OSBPL6: variants seen among roughly 807,000 people sequenced by gnomAD.
OSBPL6 encodes oxysterol-binding protein-related protein 6.
In OSBPL6, 49 loss-of-function variants were observed where a neutral mutation model predicts 125.8. The observed-to-expected ratio is 0.39, with a 90% CI of 0.31 to 0.49. The LOEUF (loss-of-function observed/expected upper bound fraction) is 0.49. Among genes scored for constraint, OSBPL6 ranks in the 20% least tolerant of loss-of-function variants. The pLI is 0.88. For synonymous variants in OSBPL6, 394 were observed against 391.8 expected, an observed-to-expected ratio of 1.01 and a Z score of -0.07; for missense variants, 986 against 1,135.4, an observed-to-expected ratio of 0.87 and a Z score of 1.89.
intron 4 of OSBPL6, among the ~76,000 whole-genome samples, chr2:178,326,097 T>C (rs1366064423): frequency 6.9e-6 from 1 of 144,884 alleles, no homozygotes; most frequent in Non-Finnish European, 1.5e-5. Context: ...GGGCACTGAT[T>C]AGTGGTGGAA....
intron 1 of OSBPL6, among the ~76,000 whole-genome samples, chr2:178,282,043 A>G (rs1291209590): frequency 6.6e-6 from 1 of 152,216 alleles, no homozygotes; most frequent in Non-Finnish European, 1.5e-5. Context: ...CAGTTCACAC[A>G]TAAAACTGTA....
intron 1 of OSBPL6, among the ~76,000 whole-genome samples, chr2:178,218,236 A>G (rs1438048725): frequency 1.3e-5 from 2 of 152,150 alleles, no homozygotes; most frequent in Non-Finnish European, 2.9e-5. Context: ...TAAAGATTTT[A>G]TTTTACAAGT....
In OSBPL6 at chr2:178,382,539, A is replaced by G. The variant is rs1225334549; in HGVS notation, c.1621+32A>G. 11 of 1,613,556 alleles carry G rather than the reference A, an allele frequency of 6.8e-6. No homozygotes were observed. The East Asian group carries it at 2.2e-4, about 33-fold the overall frequency. ...ATCATTTGAGCTTCCAGGTTGTTCT[A>G]TCTACATGCCAAATTGCAACACGAA... On this transcript the variant is annotated intron_variant, in intron 16 of 24. Coordinates refer to ENST00000190611, the MANE Select transcript of OSBPL6 (RefSeq NM_032523.4).
intron 1 of OSBPL6, among the ~76,000 whole-genome samples, chr2:178,277,976 TC>T (rs544584691): frequency 3.3e-5 from 5 of 152,218 alleles, no homozygotes; most frequent in Non-Finnish European, 7.3e-5. Flanking sequence ...TTTGAGACCT[TC>T]CACGCTGTTT....
chr2:178,301,468 T>C (rs1351274551), intron 2 of OSBPL6, among the ~76,000 whole-genome samples: 1 of 152,198 alleles, frequency 6.6e-6, no homozygotes, highest in Non-Finnish European at 1.5e-5. Flanking sequence ...CAAAAAACCA[T>C]ACTGCAGATA....
chr2:178,333,066 A>G (rs1574894946), intron 8 of OSBPL6, 25 bp downstream of exon 8: 1 of 1,610,008 alleles, frequency 6.2e-7, no homozygotes, highest in Middle Eastern at 1.7e-4. Flanking sequence ...TATAAAAACC[A>G]GCCTGAAAAT....
chr2:178,291,269 T>G lies in OSBPL6; in HGVS notation c.-156+6148T>G, dbSNP rs574644850. Among the ~76,000 whole-genome samples the G allele has an allele frequency of 1.5e-4, 23 of 152,278 alleles. No individual in the cohort carries two copies. In the South Asian group the frequency reaches 1.7e-3, roughly 11 times the overall value. ...CTATTAAATCTTTAGTTCACCAGAT[T>G]ATCTGAGTTATTTGCAACTCACTGC... is the stretch of plus-strand genomic sequence containing the variant. On this transcript the variant is annotated intron_variant, in intron 2 of 24. Coordinates refer to ENST00000190611, the MANE Select transcript of OSBPL6 (RefSeq NM_032523.4).
At chr2:178,389,369 G>A (rs1037406920) in intron 21 of OSBPL6, among the ~76,000 whole-genome samples, 1 of 151,454 alleles carries the variant, frequency 6.6e-6, no homozygotes, top group African/African-American at 2.4e-5. Context: ...ATCTAAAACA[G>A]AAAAAAAACA....
At chr2:178,234,415 CAG>C (rs747615655) in intron 1 of OSBPL6, among the ~76,000 whole-genome samples, 1 of 151,680 alleles carries the variant, frequency 6.6e-6, no homozygotes, top group Non-Finnish European at 1.5e-5. Context: ...GAGAGAGAGA[CAG>C]AGAGAGAGAG....
intron 2 of OSBPL6, among the ~76,000 whole-genome samples, chr2:178,303,466 A>G (rs529110411): frequency 6.6e-6 from 1 of 152,328 alleles, no homozygotes; most frequent in South Asian, 2.1e-4. Flanking sequence ...ATTCAGGGTG[A>G]CATAATCCAT....
In OSBPL6 at chr2:178,382,019, C is replaced by T. The variant is rs556920698; in HGVS notation, c.1534-401C>T. On this transcript the variant is annotated intron_variant, in intron 15 of 24. Coordinates refer to ENST00000190611, the MANE Select transcript of OSBPL6 (RefSeq NM_032523.4). Reference sequence around the variant, plus strand: ...CTAACACCCAGTTTAAATATTGCCCCCTGGGCAGCCTCTCCTGAGTCCTCT... The same window carrying T: ...CTAACACCCAGTTTAAATATTGCCCTCTGGGCAGCCTCTCCTGAGTCCTCT... Among the ~76,000 whole-genome samples, 9 of 152,326 alleles carry T rather than the reference C, an allele frequency of 5.9e-5. No homozygotes were observed. In the East Asian group the frequency reaches 1.7e-3, roughly 29 times the overall value.
intron 2 of OSBPL6, among the ~76,000 whole-genome samples, chr2:178,291,365 A>G (rs1016012903): frequency 1.3e-5 from 2 of 152,178 alleles, no homozygotes; most frequent in South Asian, 2.1e-4. Context: ...AGTGTGTGCC[A>G]TATTGAATGG....
At chr2:178,213,905 T>A (rs2089977061) in intron 1 of OSBPL6, among the ~76,000 whole-genome samples, 1 of 152,216 alleles carries the variant, frequency 6.6e-6, no homozygotes, top group Admixed American at 6.5e-5. Flanking sequence ...CCTTCTCATC[T>A]TCAGTGTCAT....
At chr2:178,244,758 G>T (rs749874412) in intron 1 of OSBPL6, among the ~76,000 whole-genome samples, 2 of 152,134 alleles carry the variant, frequency 1.3e-5, no homozygotes, top group Non-Finnish European at 2.9e-5. Flanking sequence ...TCACTACTGA[G>T]ACTTCCTTCA....
intron 2 of OSBPL6, among the ~76,000 whole-genome samples, chr2:178,304,447 C>T (rs1686575860): frequency 6.6e-6 from 1 of 152,144 alleles, no homozygotes; most frequent in African/African-American, 2.4e-5. Context: ...CAGGTCTGAC[C>T]TCTCATGAGG....
chr2:178,395,772 TAAAAA>T lies in OSBPL6; in HGVS notation c.*237_*241del, dbSNP rs746653123. The T allele has an allele frequency of 5.9e-3, 1,430 of 242,168 alleles. No individual in the cohort carries two copies. The highest frequency in any genetic ancestry group is 9.6e-3 in the South Asian group (365 of 38,192). 15.0% of individuals were successfully genotyped at this position (242,168 alleles called of 1,614,324 possible). A position where few individuals can be genotyped will look rare whatever the true frequency, so the allele number is the denominator to read the frequency against. ...TCTGTTTTGCTGCAACCATATTCCT[TAAAAA>T]AAAAAAAAAAAAAAAAAAAAAAATC... is the stretch of plus-strand genomic sequence containing the variant. On this transcript the variant is annotated 3_prime_UTR_variant, in exon 25 of 25. Coordinates refer to ENST00000190611, the MANE Select transcript of OSBPL6 (RefSeq NM_032523.4).
intron 1 of OSBPL6, among the ~76,000 whole-genome samples, chr2:178,263,230 A>C (rs1007490652): frequency 1.3e-5 from 2 of 152,186 alleles, no homozygotes; most frequent in Non-Finnish European, 2.9e-5. Context: ...TGTAATACCA[A>C]CACTTTGGAA....
intron 5 of OSBPL6, 21 bp downstream of exon 5, chr2:178,328,399 A>G: frequency 6.2e-7 from 1 of 1,605,924 alleles, no homozygotes; most frequent in Non-Finnish European, 8.5e-7. Context: ...TATCATATTC[A>G]GGTTCAGACC....
At chr2:178,235,560 C>A (rs1246427701) in intron 1 of OSBPL6, among the ~76,000 whole-genome samples, 1 of 151,896 alleles carries the variant, frequency 6.6e-6, no homozygotes, top group Non-Finnish European at 1.5e-5. Context: ...GCATGTGCCA[C>A]TACGCCCGGC....
Sources: gnomAD v4.1 joint callset for allele counts (sites outside exome capture counted in the v4.1 genomes callset) on GRCh38, gnomAD v4.1.1 for gene constraint, MANE v1.5 for transcripts, NCBI Gene and HGNC (gene_info 2026-07-23, HGNC 2026-07-21) for gene names.